KIF16B: variants seen among roughly 807,000 people sequenced by gnomAD.
KIF16B encodes the protein kinesin family member 16B.
A neutral mutation model predicts 156.3 loss-of-function variants in KIF16B; 98 were observed. The ratio of observed to expected loss-of-function variants is 0.63; its 90% CI spans 0.53 to 0.74. The LOEUF is 0.74. Among genes scored for constraint, KIF16B ranks in the 30% least tolerant of loss-of-function variants. KIF16B has a pLI of 0.00. For synonymous variants in KIF16B, 564 were observed against 583.7 expected, an observed-to-expected ratio of 0.97 and a Z score of 0.49; for missense variants, 1,421 against 1,606.5, an observed-to-expected ratio of 0.88 and a Z score of 1.97.
chr20:16,481,651 A>G (rs1161761454), intron 12 of KIF16B, among the ~76,000 whole-genome samples: 2 of 152,176 alleles, frequency 1.3e-5, no homozygotes, highest in Non-Finnish European at 2.9e-5. Context: ...CGAGAACAAA[A>G]AAGGCTTAAA....
chr20:16,412,716 G>C (rs940039528), intron 15 of KIF16B, among the ~76,000 whole-genome samples: 2 of 152,176 alleles, frequency 1.3e-5, no homozygotes. Context: ...TCTCCCACCA[G>C]TTCCCTCCCA....
intron 25 of KIF16B, among the ~76,000 whole-genome samples, chr20:16,283,010 C>G (rs879349875): frequency 6.6e-6 from 1 of 152,172 alleles, no homozygotes; most frequent in Admixed American, 6.5e-5. Context: ...TCATTGGAAC[C>G]TCCAGTGTGA....
At chr20:16,481,852 T>C (rs1423315042) in intron 12 of KIF16B, among the ~76,000 whole-genome samples, 2 of 152,090 alleles carry the variant, frequency 1.3e-5, no homozygotes, top group Non-Finnish European at 2.9e-5. Context: ...TAAACAAAAT[T>C]AATAAGGAAA....
Position 16,379,455 on chromosome 20 carries a change from G to T in KIF16B, c.2547C>A (p.Ile849=). ...LEKDLVQQKD[I]LKKEVQEEQE... Reference sequence around the variant, plus strand: ...GTTCTTCTTGGACTTCTTTTTTCAGGATGTCTTTCTGCTGAACCAGGTCCT... The same window carrying T: ...GTTCTTCTTGGACTTCTTTTTTCAGTATGTCTTTCTGCTGAACCAGGTCCT... Residue 849 remains isoleucine (I), a synonymous_variant, in exon 19 of 26, where the codon ATC becomes ATA. Coordinates refer to ENST00000354981, the MANE Select transcript of KIF16B (RefSeq NM_024704.5). 6.2e-7 allele frequency: 1 copy of T among 1,613,516 alleles called. No homozygotes were observed. Among genetic ancestry groups the T allele is most frequent in the Non-Finnish European group, 8.5e-7 (1 of 1,179,890 alleles).
intron 1 of KIF16B, among the ~76,000 whole-genome samples, chr20:16,557,391 G>A (rs2070892226): frequency 6.6e-6 from 1 of 152,034 alleles, no homozygotes; most frequent in African/African-American, 2.4e-5. Context: ...TGTTGGCCAG[G>A]CTGGTCTCAA....
intron 12 of KIF16B, among the ~76,000 whole-genome samples, chr20:16,467,305 C>T (rs375601139): frequency 2.6e-4 from 39 of 152,122 alleles, no homozygotes; most frequent in African/African-American, 7.7e-4. Flanking sequence ...TGTCCCCCCA[C>T]GCCTCACCAC....
chr20:16,320,152 A>G (rs2063753081), intron 24 of KIF16B, among the ~76,000 whole-genome samples: 1 of 152,162 alleles, frequency 6.6e-6, no homozygotes, highest in Non-Finnish European at 1.5e-5. Context: ...AATGGAAGAC[A>G]AAAACAAGGG....
intron 23 of KIF16B, among the ~76,000 whole-genome samples, chr20:16,338,350 C>T (rs2064078959): frequency 6.6e-6 from 1 of 152,188 alleles, no homozygotes; most frequent in African/African-American, 2.4e-5. Context: ...ATAGTGCTTT[C>T]AGACCCTGCT....
chr20:16,280,870 G>A (rs1455600136), intron 25 of KIF16B, among the ~76,000 whole-genome samples: 3 of 151,878 alleles, frequency 2.0e-5, no homozygotes, highest in South Asian at 2.1e-4. Context: ...GTGTGTGTGC[G>A]CAGAAAATGC....
At chr20:16,555,319 A>C (rs1159568767) in intron 1 of KIF16B, among the ~76,000 whole-genome samples, 6 of 152,222 alleles carry the variant, frequency 3.9e-5, no homozygotes, top group Non-Finnish European at 7.3e-5. Context: ...ATGAGACGAA[A>C]TCAGAAGACA....
chr20:16,425,209 A>G (rs141443174), intron 15 of KIF16B, among the ~76,000 whole-genome samples: 186 of 152,296 alleles, frequency 1.2e-3, no homozygotes, highest in African/African-American at 4.0e-3. Context: ...TGTGTCAGAA[A>G]GTAACGAAGT....
At chr20:16,359,939 T>C (rs2064520469) in intron 22 of KIF16B, among the ~76,000 whole-genome samples, 1 of 152,166 alleles carries the variant, frequency 6.6e-6, no homozygotes. Context: ...GGATGAGAAA[T>C]ACTGCCAGAG....
chr20:16,390,930 T>C (rs1291332183), intron 17 of KIF16B, among the ~76,000 whole-genome samples: 9 of 152,290 alleles, frequency 5.9e-5, no homozygotes. Flanking sequence ...CATGCTCATA[T>C]ATCGATCACA....
At chr20:16,334,312 C>A (rs868847132) in intron 24 of KIF16B, among the ~76,000 whole-genome samples, 1 of 152,214 alleles carries the variant, frequency 6.6e-6, no homozygotes, top group Admixed American at 6.5e-5. Flanking sequence ...GCAAAGCTCA[C>A]TTTAAAAACA....
At chr20:16,363,048 T>C (rs1473846254) in intron 22 of KIF16B, among the ~76,000 whole-genome samples, 1 of 152,200 alleles carries the variant, frequency 6.6e-6, no homozygotes, top group African/African-American at 2.4e-5. Context: ...AAAAATGTAC[T>C]GTTTAAGAAA....
At chr20:16,403,911 G>A (rs2065718100) in intron 17 of KIF16B, among the ~76,000 whole-genome samples, 2 of 152,206 alleles carry the variant, frequency 1.3e-5, no homozygotes, top group Non-Finnish European at 2.9e-5. Flanking sequence ...GGAGGTGACA[G>A]AGTCAAAGCA....
intron 25 of KIF16B, among the ~76,000 whole-genome samples, chr20:16,310,355 C>A (rs2063601106): frequency 6.6e-6 from 1 of 152,160 alleles, no homozygotes; most frequent in African/African-American, 2.4e-5. Flanking sequence ...ACAGGTTCCA[C>A]CTGAAAGCAT....
intron 12 of KIF16B, among the ~76,000 whole-genome samples, chr20:16,472,856 A>G (rs771274030): frequency 1.3e-5 from 2 of 152,170 alleles, no homozygotes; most frequent in African/African-American, 4.8e-5. Context: ...ACCTAAGAGC[A>G]TACCGTTTGT....
chr20:16,514,665 C>A (rs950141128), intron 4 of KIF16B, among the ~76,000 whole-genome samples: 6 of 149,028 alleles, frequency 4.0e-5, no homozygotes, highest in Non-Finnish European at 5.9e-5. Flanking sequence ...CCGAGGCAGG[C>A]GGGTCATCTA....
Sources: gnomAD v4.1 joint callset for allele counts (sites outside exome capture counted in the v4.1 genomes callset) on GRCh38, gnomAD v4.1.1 for gene constraint, MANE v1.5 for transcripts, NCBI Gene and HGNC (gene_info 2026-07-23, HGNC 2026-07-21) for gene names.